Variants in CACNA2D3 observed in about 807,000 individuals in gnomAD.
CACNA2D3 encodes the protein voltage-dependent calcium channel subunit alpha-2/delta-3.
A neutral mutation model predicts 160.6 loss-of-function variants in CACNA2D3; 60 were observed. The ratio of observed to expected loss-of-function variants is 0.37; its 90% CI spans 0.30 to 0.46. The LOEUF is 0.46. Among genes scored for constraint, CACNA2D3 ranks in the 20% least tolerant of loss-of-function variants. The pLI is 1.00. For synonymous variants in CACNA2D3, 558 were observed against 492.9 expected (o/e 1.13, Z -1.75); for missense variants, 1,205 against 1,365.0 (o/e 0.88, Z 1.85).
Position 54,899,772 on chromosome 3 carries a change from T to G in CACNA2D3, c.2369-16T>G, listed in dbSNP as rs536025646. 80 of 1,582,394 alleles carry G rather than the reference T, an allele frequency of 5.1e-5. No homozygotes were observed. In the South Asian group the frequency reaches 8.2e-4, roughly 16 times the overall value. ...AATTATCTTCATTTTTGTTGTGGTG[T>G]TTTTTCTTTTCACAGGACCAGTCAA... On this transcript the variant is annotated splice_polypyrimidine_tract_variant and intron_variant, in intron 26 of 37. Transcript: ENST00000474759.
chr3:54,894,136 C>G (rs918952664), intron 25 of CACNA2D3, among the ~76,000 whole-genome samples: 2 of 152,186 alleles, frequency 1.3e-5, no homozygotes, highest in Admixed American at 1.3e-4. Flanking sequence ...ACCAGCCTGA[C>G]ACACCACTGC....
At chr3:54,188,432 A>C (rs6445632) in intron 2 of CACNA2D3, among the ~76,000 whole-genome samples, 8 of 152,202 alleles carry the variant, frequency 5.3e-5, no homozygotes, top group Non-Finnish European at 7.4e-5. Context: ...GAATGTTGTA[A>C]GAATAGCGTT....
chr3:54,227,742 C>T lies in CACNA2D3; in HGVS notation c.205-92700C>T, dbSNP rs373576058. Among the ~76,000 whole-genome samples the T allele has an allele frequency of 1.1e-4, 16 of 152,174 alleles. 1 individual carries two copies. In the South Asian group the frequency reaches 2.7e-3, roughly 26 times the overall value. ...GCTAATTTTTGTATTTTAGTAGAGACGGGGTTTCACCTCGGCCAGGATGAT... is the reference window on the plus strand; with the variant it reads ...GCTAATTTTTGTATTTTAGTAGAGATGGGGTTTCACCTCGGCCAGGATGAT... On this transcript the variant is annotated intron_variant, in intron 2 of 37. Transcript: ENST00000474759.
At chr3:55,010,278 C>T (rs763582949) in intron 34 of CACNA2D3, among the ~76,000 whole-genome samples, 19 of 152,184 alleles carry the variant, frequency 1.2e-4, no homozygotes, top group South Asian at 8.3e-4. Flanking sequence ...AACTACCTAT[C>T]GGGTACTACG....
chr3:54,350,967 T>TG (rs1559457721), intron 3 of CACNA2D3, among the ~76,000 whole-genome samples: 1 of 112,602 alleles, frequency 8.9e-6, no homozygotes, highest in Non-Finnish European at 1.8e-5. Context: ...ATCTTGAGTC[T>TG]GTTTTTTTTT....
intron 5 of CACNA2D3, among the ~76,000 whole-genome samples, chr3:54,512,402 GT>G (rs894292036): frequency 6.6e-6 from 1 of 152,190 alleles, no homozygotes; most frequent in Non-Finnish European, 1.5e-5. Context: ...TGTAACAAAA[GT>G]TTACTGAGAG....
intron 14 of CACNA2D3, among the ~76,000 whole-genome samples, chr3:54,834,200 C>T (rs1703936269): frequency 6.6e-6 from 1 of 152,110 alleles, no homozygotes; most frequent in Non-Finnish European, 1.5e-5. Context: ...TTACTGGTTG[C>T]AGGAAAAAGG....
chr3:54,568,822 G>A (rs941391186), intron 6 of CACNA2D3, among the ~76,000 whole-genome samples: 2 of 152,180 alleles, frequency 1.3e-5, no homozygotes, highest in African/African-American at 4.8e-5. Flanking sequence ...ACTGTCTCAA[G>A]GTTATCTGTG....
intron 27 of CACNA2D3, among the ~76,000 whole-genome samples, chr3:54,917,604 C>G (rs1312889894): frequency 6.6e-6 from 1 of 152,236 alleles, no homozygotes; most frequent in Admixed American, 6.5e-5. Flanking sequence ...TACAGATACA[C>G]AAAAGTCATT....
intron 27 of CACNA2D3, among the ~76,000 whole-genome samples, chr3:54,943,538 A>G (rs895524487): frequency 2.6e-5 from 4 of 152,112 alleles, no homozygotes; most frequent in African/African-American, 7.2e-5. Context: ...TACATTCTCT[A>G]TTATTTTAAT....
At chr3:54,573,115 A>G (rs1205218430) in intron 8 of CACNA2D3, among the ~76,000 whole-genome samples, 6 of 152,194 alleles carry the variant, frequency 3.9e-5, no homozygotes, top group Admixed American at 3.9e-4. Flanking sequence ...ATTAACCCTC[A>G]CTGTGCATCT....
intron 4 of CACNA2D3, among the ~76,000 whole-genome samples, chr3:54,480,957 G>GTTAT (rs1287471224): frequency 1.3e-5 from 2 of 152,190 alleles, no homozygotes; most frequent in Non-Finnish European, 2.9e-5. Context: ...TAGGCCTGAG[G>GTTAT]TTATTCCTCT....
At chr3:54,730,842 G>C (rs1226635952) in intron 11 of CACNA2D3, among the ~76,000 whole-genome samples, 1 of 152,098 alleles carries the variant, frequency 6.6e-6, no homozygotes, top group African/African-American at 2.4e-5. Context: ...AGTATGACTT[G>C]GTCATACATT....
chr3:54,899,837 C>T lies in CACNA2D3; in HGVS notation c.2418C>T (p.Leu806=). 4 of 1,607,016 alleles carry T rather than the reference C, an allele frequency of 2.5e-6. No homozygotes were observed. Among genetic ancestry groups the T allele is most frequent in the Non-Finnish European group, 3.4e-6 (4 of 1,176,564 alleles). The change falls in exon 27 of 38, where the codon CTC becomes CTT. Residue 806 remains leucine (L), a synonymous_variant. Transcript: ENST00000474759. The stretch of plus-strand genomic sequence containing the variant: ...TGACAGCAAGTACATCCATCCAGCT[C>T]CTGGATGAACGGAAATCTCCTGTGG... ...NVVTASTSIQ[L]LDERKSPVVA... is the part of the protein sequence containing the mutation.
intron 11 of CACNA2D3, among the ~76,000 whole-genome samples, chr3:54,682,909 C>A (rs1171080274): frequency 1.3e-5 from 2 of 152,140 alleles, no homozygotes; most frequent in Non-Finnish European, 2.9e-5. Context: ...GATGACGTCT[C>A]TGAAGCTGAG....
Position 54,187,106 on chromosome 3 carries a change from A to G in CACNA2D3, c.204+63512A>G, listed in dbSNP as rs546193057. Among the ~76,000 whole-genome samples the G allele has an allele frequency of 3.3e-5, 5 of 152,310 alleles. No homozygotes were observed. The South Asian group carries it at 1.0e-3, about 32-fold the overall frequency. On this transcript the variant is annotated intron_variant, in intron 2 of 37. Coordinates refer to ENST00000474759, the MANE Select transcript of CACNA2D3 (RefSeq NM_018398.3). ...CCTGGGAGTGCTGTAGGACGCGGTG[A>G]CTTTCAGAGTCTTGCAGGGAGAGCA...
intron 2 of CACNA2D3, among the ~76,000 whole-genome samples, chr3:54,138,555 C>A (rs1177191277): frequency 6.6e-6 from 1 of 152,212 alleles, no homozygotes; most frequent in East Asian, 1.9e-4. Flanking sequence ...TTCACATCTC[C>A]TTCTCTGACC....
rs116582415 is a variant in CACNA2D3 at position 54,838,858 on chromosome 3, C to T, written c.1551+210C>T. 3.6e-3 allele frequency among the ~76,000 whole-genome samples: 548 copies of T among 152,246 alleles called. 8 individuals are homozygous for T. The highest frequency in any genetic ancestry group is 0.036 in the South Asian group (171 of 4,812). ...GACTTGCTGTTTTTCTTATTTACCT[C>T]CTCTAACCTCAGTTTAAAGAATCAA... On this transcript the variant is annotated intron_variant, in intron 16 of 37. Coordinates refer to ENST00000474759, the MANE Select transcript of CACNA2D3 (RefSeq NM_018398.3).
At chr3:54,411,193 G>A (rs1354652347) in intron 4 of CACNA2D3, among the ~76,000 whole-genome samples, 1 of 152,176 alleles carries the variant, frequency 6.6e-6, no homozygotes, top group Non-Finnish European at 1.5e-5. Context: ...TAAAGATGCT[G>A]TAAACATTGT....
Sources: allele counts gnomAD v4.1 joint callset (sites outside exome capture counted in the v4.1 genomes callset), GRCh38; gene constraint gnomAD v4.1.1; transcripts MANE v1.5; gene names NCBI Gene and HGNC (gene_info 2026-07-23, HGNC 2026-07-21).